TPH2: variants seen among roughly 807,000 people sequenced by gnomAD.
TPH2 encodes tryptophan 5-hydroxylase 2.
In TPH2, 27 loss-of-function variants were observed where a neutral mutation model predicts 59.1. The ratio of observed to expected loss-of-function variants is 0.46; its 90% CI spans 0.34 to 0.63. The LOEUF (loss-of-function observed/expected upper bound fraction) is 0.63, where lower values mean the gene tolerates loss of function less well. Among genes scored for constraint, TPH2 ranks in the 30% least tolerant of loss-of-function variants. TPH2 has a pLI of 0.01. For missense variants in TPH2, 523 were observed against 588.3 expected (o/e 0.89, Z 1.15); for synonymous variants, 220 against 210.5 (o/e 1.05, Z -0.39).
intron 6 of TPH2, among the ~76,000 whole-genome samples, chr12:71,978,234 G>A (rs1273040610): frequency 6.6e-6 from 1 of 151,558 alleles, no homozygotes; most frequent in East Asian, 1.9e-4. Flanking sequence ...AAAAAGAATA[G>A]TCCTTCTGCT....
chr12:71,992,680 C>T (rs7350608), intron 7 of TPH2, among the ~76,000 whole-genome samples: 1,859 of 152,082 alleles, frequency 0.012, 19 homozygotes, highest in Non-Finnish European at 0.017. Context: ...ATTTTAGCTT[C>T]CTCATTTGTT....
At chr12:72,031,210 C>T (rs749593995) in intron 9 of TPH2, 48 bp from the exon 10 acceptor site, 37 of 1,611,960 alleles carry the variant, frequency 2.3e-5, no homozygotes, top group Middle Eastern at 1.6e-4. Context: ...CATGGAGCTT[C>T]GGAAGTCTCA....
intron 8 of TPH2, among the ~76,000 whole-genome samples, chr12:72,000,822 C>A (rs1872804967): frequency 6.6e-6 from 1 of 152,190 alleles, no homozygotes; most frequent in African/African-American, 2.4e-5. Context: ...TCATCCTCTT[C>A]TGTCTGCTGT....
intron 8 of TPH2, among the ~76,000 whole-genome samples, chr12:72,020,602 C>A (rs1417367049): frequency 6.6e-6 from 1 of 152,116 alleles, no homozygotes; most frequent in African/African-American, 2.4e-5. Context: ...GATTCTCTTG[C>A]CTCAGTCTCC....
intron 7 of TPH2, among the ~76,000 whole-genome samples, chr12:71,980,892 G>A (rs149967004): frequency 1.0e-3 from 158 of 152,334 alleles, no homozygotes; most frequent in Non-Finnish European, 1.9e-3. Flanking sequence ...TAGCAGGGCA[G>A]TGCAGTGGAT....
intron 8 of TPH2, among the ~76,000 whole-genome samples, chr12:72,002,720 T>C (rs565930271): frequency 2.0e-5 from 3 of 152,290 alleles, no homozygotes; most frequent in Non-Finnish European, 2.9e-5. Context: ...GCGAAATTCA[T>C]TGTGAACATG....
chr12:71,942,104 C>T (rs546515110), intron 2 of TPH2, among the ~76,000 whole-genome samples: 1 of 152,290 alleles, frequency 6.6e-6, no homozygotes, highest in Admixed American at 6.5e-5. Flanking sequence ...TGAATTTACA[C>T]ATGTCCTAGG....
At chr12:71,977,485 G>A (rs960195569) in intron 6 of TPH2, among the ~76,000 whole-genome samples, 7 of 151,908 alleles carry the variant, frequency 4.6e-5, no homozygotes, top group Non-Finnish European at 7.4e-5. Context: ...ACACGCACAC[G>A]CATGTGCACA....
intron 5 of TPH2, among the ~76,000 whole-genome samples, chr12:71,952,432 C>A (rs907637337): frequency 2.7e-4 from 41 of 151,976 alleles, no homozygotes; most frequent in African/African-American, 9.9e-4. Flanking sequence ...CCAAGAGAGC[C>A]AGGAAATGGC....
At chr12:72,023,266 A>C (rs534768121) in intron 9 of TPH2, among the ~76,000 whole-genome samples, 1 of 152,328 alleles carries the variant, frequency 6.6e-6, no homozygotes, top group African/African-American at 2.4e-5. Context: ...GACTATTCAG[A>C]CTAAGGTCAG....
At chr12:71,940,529 G>T (rs894136685) in intron 1 of TPH2, among the ~76,000 whole-genome samples, 1 of 152,130 alleles carries the variant, frequency 6.6e-6, no homozygotes, top group Non-Finnish European at 1.5e-5. Context: ...AGATTGGTAC[G>T]ATTGTATTAA....
chr12:71,993,490 T>C lies in TPH2; in HGVS notation c.942-949T>C, dbSNP rs2139221001. Among the ~76,000 whole-genome samples the C allele has an allele frequency of 1.3e-5, 2 of 152,344 alleles. 1 individual carries two copies. The highest frequency in any genetic ancestry group is 4.1e-4 in the South Asian group (2 of 4,834). On this transcript the variant is annotated intron_variant, in intron 7 of 10. Transcript: ENST00000333850. ...AGCTTGGTATCACGGAACAGTTCAT[T>C]ATTCATGGCAATGACTCAGGAAGGC...
At position 72,005,350 on chromosome 12, in the gene TPH2, T is replaced by C. The variant is rs575494538; in HGVS notation, c.1068+10785T>C. Among the ~76,000 whole-genome samples the C allele has an allele frequency of 2.0e-5, 3 of 151,814 alleles. No homozygotes were observed. The East Asian group carries it at 5.8e-4, about 30-fold the overall frequency. On this transcript the variant is annotated intron_variant, in intron 8 of 10. Transcript: ENST00000333850. ...CTTTACTGAGGGGGCTTTAAAGTCT[T>C]TACAAAAACCTCTTTTCCTCTTTCT...
intron 2 of TPH2, among the ~76,000 whole-genome samples, chr12:71,943,848 G>T (rs575583231): frequency 1.3e-5 from 2 of 151,768 alleles, no homozygotes; most frequent in African/African-American, 4.8e-5. Context: ...ATTTCTGAAA[G>T]GTTATTTTAA....
chr12:71,988,110 T>C (rs1298027582), intron 7 of TPH2, among the ~76,000 whole-genome samples: 1 of 152,228 alleles, frequency 6.6e-6, no homozygotes, highest in Non-Finnish European at 1.5e-5. Context: ...ACAGTCCGAT[T>C]GCACAGTGCT....
chr12:71,942,953 C>T (rs1450725317), intron 2 of TPH2, among the ~76,000 whole-genome samples: 1 of 152,090 alleles, frequency 6.6e-6, no homozygotes, highest in African/African-American at 2.4e-5. Context: ...AGTTAGCAGC[C>T]CTGAGTTTTC....
intron 8 of TPH2, among the ~76,000 whole-genome samples, chr12:72,015,006 T>C (rs970556385): frequency 1.3e-5 from 2 of 152,160 alleles, no homozygotes; most frequent in Non-Finnish European, 2.9e-5. Context: ...GCCTCATTCT[T>C]ATTTCAGTAC....
At chr12:71,945,004 G>A (rs1402365130) in intron 4 of TPH2, among the ~76,000 whole-genome samples, 1 of 152,150 alleles carries the variant, frequency 6.6e-6, no homozygotes, top group South Asian at 2.1e-4. Flanking sequence ...TTGGAAAAAC[G>A]ATGAACTGAA....
chr12:72,003,508 C>G (rs757895150), intron 8 of TPH2, among the ~76,000 whole-genome samples: 1 of 152,148 alleles, frequency 6.6e-6, no homozygotes, highest in Non-Finnish European at 1.5e-5. Context: ...GTCACATAGA[C>G]CTTAACTTCT....
Sources: allele counts gnomAD v4.1 joint callset (sites outside exome capture counted in the v4.1 genomes callset), GRCh38; gene constraint gnomAD v4.1.1; transcripts MANE v1.5; gene names NCBI Gene and HGNC (gene_info 2026-07-23, HGNC 2026-07-21).